Variants in ROBO2 observed in about 807,000 individuals in gnomAD.
ROBO2 encodes the protein roundabout guidance receptor 2, also known as roundabout homolog 2.
A neutral mutation model predicts 160.8 loss-of-function variants in ROBO2; 53 were observed. That is an observed-to-expected ratio of 0.33 (90% confidence interval 0.26 to 0.41). The LOEUF (loss-of-function observed/expected upper bound fraction) is 0.41, where lower values mean the gene tolerates loss of function less well. ROBO2 is among the 10% of genes least tolerant of loss of function. The pLI is 1.00. For synonymous variants in ROBO2, 664 were observed against 611.7 expected, an observed-to-expected ratio of 1.09 and a Z score of -1.26; for missense variants, 1,577 against 1,722.4, an observed-to-expected ratio of 0.92 and a Z score of 1.49.
chr3:77,170,016 G>C (rs1227156290), intron 2 of ROBO2, among the ~76,000 whole-genome samples: 1 of 152,108 alleles, frequency 6.6e-6, no homozygotes, highest in Non-Finnish European at 1.5e-5. Context: ...GACTGACACC[G>C]GGGAAGCTTC....
At chr3:76,322,164 GTATA>G (rs200388202) in intron 2 of ROBO2, among the ~76,000 whole-genome samples, 2,026 of 107,948 alleles carry the variant, frequency 0.019, 48 homozygotes, top group Admixed American at 0.047. Flanking sequence ...TACTTCTTCC[GTATA>G]TATATATATA....
At chr3:77,543,358 C>CAGGATGACA (rs1281063604) in intron 6 of ROBO2, among the ~76,000 whole-genome samples, 2 of 152,178 alleles carry the variant, frequency 1.3e-5, no homozygotes, top group Non-Finnish European at 2.9e-5. Flanking sequence ...CAGAATGTAT[C>CAGGATGACA]ATCATTTTTC....
intron 2 of ROBO2, among the ~76,000 whole-genome samples, chr3:75,985,493 A>G (rs1054884144): frequency 6.6e-6 from 1 of 151,588 alleles, no homozygotes. Context: ...GTACTATGAC[A>G]TGATAGCTTC....
At position 77,311,034 on chromosome 3, in the gene ROBO2, G is replaced by A. The variant is rs192724989; in HGVS notation, c.389-166380G>A. Among the ~76,000 whole-genome samples, 383 of 152,062 alleles carry A rather than the reference G, an allele frequency of 2.5e-3. 2 individuals are homozygous for A. The highest frequency in any genetic ancestry group is 8.8e-3 in the African/African-American group (365 of 41,500). On this transcript the variant is annotated intron_variant, in intron 2 of 25. Coordinates refer to ENST00000461745, the Ensembl canonical transcript of ROBO2. Reference sequence around the variant, plus strand: ...TATACATTTTATTATGAATTTTTGTGGGTAGGTTTAAATTTATTTTCTGGC... The same window carrying A: ...TATACATTTTATTATGAATTTTTGTAGGTAGGTTTAAATTTATTTTCTGGC...
intron 2 of ROBO2, among the ~76,000 whole-genome samples, chr3:77,460,241 T>C (rs1156946494): frequency 1.3e-5 from 2 of 151,894 alleles, no homozygotes; most frequent in East Asian, 3.9e-4. Context: ...AATGGAGGAG[T>C]AATAATAATT....
At chr3:77,150,149 A>G (rs1320241049) in intron 2 of ROBO2, among the ~76,000 whole-genome samples, 1 of 152,202 alleles carries the variant, frequency 6.6e-6, no homozygotes, top group African/African-American at 2.4e-5. Context: ...GAAGAATTTA[A>G]CGAAAACACT....
At position 76,674,920 on chromosome 3, in the gene ROBO2, C is replaced by CA. The variant is rs34240184; in HGVS notation, c.110-423085dup. The stretch of plus-strand genomic sequence containing the variant: ...GTATACAATGAGTAGGAAAAAGCAG[C>CA]AAAAAAAAACCCACACATGAAAAAA... On this transcript the variant is annotated intron_variant, in intron 2 of 26. Coordinates refer to the ROBO2 transcript ENST00000487694. 3.2e-3 allele frequency among the ~76,000 whole-genome samples: 479 copies of CA among 150,168 alleles called. 3 individuals are homozygous for CA. Among genetic ancestry groups the CA allele is most frequent in the African/African-American group, 0.011 (455 of 40,750 alleles).
chr3:77,140,158 T>G (rs2076591746), intron 2 of ROBO2, among the ~76,000 whole-genome samples: 1 of 152,250 alleles, frequency 6.6e-6, no homozygotes, highest in South Asian at 2.1e-4. Context: ...AATGCTTCTG[T>G]TAACAACATG....
chr3:76,360,199 C>G (rs897579221), intron 2 of ROBO2, among the ~76,000 whole-genome samples: 6 of 151,992 alleles, frequency 3.9e-5, no homozygotes, highest in Admixed American at 3.9e-4. Context: ...CTATCTAAAT[C>G]CATGTCACTA....
intron 2 of ROBO2, among the ~76,000 whole-genome samples, chr3:77,161,840 G>A (rs59607848): frequency 2.0e-5 from 3 of 151,282 alleles, no homozygotes; most frequent in Non-Finnish European, 4.4e-5. Context: ...TGTTGTCATG[G>A]TTTTTTACTA....
intron 6 of ROBO2, among the ~76,000 whole-genome samples, chr3:77,528,229 A>G (rs1044266235): frequency 6.6e-6 from 1 of 151,680 alleles, no homozygotes; most frequent in African/African-American, 2.4e-5. Context: ...AAATGAATAG[A>G]TGGATGCATA....
chr3:76,573,559 A>G lies in ROBO2; in HGVS notation c.110-524455A>G, dbSNP rs1343484199. Among the ~76,000 whole-genome samples, 5 of 151,566 alleles carry G rather than the reference A, an allele frequency of 3.3e-5. No homozygotes were observed. The East Asian group carries it at 7.7e-4, about 23-fold the overall frequency. ...TTTTTTGCTTATAGGATGTTAACCA[A>G]TCTTATATCTAATTTTGTAACATGA... On this transcript the variant is annotated intron_variant, in intron 2 of 26. Transcript: ENST00000487694.
rs775699448 is a variant in ROBO2, at chr3:76,304,714, C to CTCTT, written c.109+367130_109+367133dup. Among the ~76,000 whole-genome samples, 982 of 133,110 alleles carry CTCTT rather than the reference C, an allele frequency of 7.4e-3. 11 individuals are homozygous for CTCTT. The highest frequency in any genetic ancestry group is 0.03 in the Admixed American group (386 of 12,918). 87.3% of individuals were successfully genotyped at this position (133,110 alleles called of 152,430 possible). A position where few individuals can be genotyped will look rare whatever the true frequency, so the allele number is the denominator to read the frequency against. On this transcript the variant is annotated intron_variant, in intron 2 of 26. Coordinates refer to the ROBO2 transcript ENST00000487694. ...ATTTTGTTGTTGTTTTATTTTCTTT[C>CTCTT]TCTTTCTTTCTTTCTTTCTTTTCTT... is the stretch of plus-strand genomic sequence containing the variant.
intron 2 of ROBO2, among the ~76,000 whole-genome samples, chr3:77,142,392 G>A (rs569708722): frequency 9.9e-5 from 15 of 152,256 alleles, no homozygotes; most frequent in Non-Finnish European, 1.5e-4. Flanking sequence ...GTACACTGAC[G>A]TGCAAGCACA....
intron 5 of ROBO2, among the ~76,000 whole-genome samples, chr3:77,511,769 G>T (rs2089429482): frequency 6.6e-6 from 1 of 151,846 alleles, no homozygotes; most frequent in African/African-American, 2.4e-5. Flanking sequence ...GTTTCATTTT[G>T]GTTTTCTGTA....
chr3:76,863,143 A>G lies in ROBO2; in HGVS notation c.110-234871A>G, dbSNP rs201036469. Among the ~76,000 whole-genome samples the G allele has an allele frequency of 9.2e-5, 14 of 152,218 alleles. No homozygotes were observed. In the East Asian group the frequency reaches 2.7e-3, roughly 29 times the overall value. The stretch of plus-strand genomic sequence containing the variant: ...ACCTCATTACATAGCCTTACCTCCC[A>G]AGAGTCTGTGACTTGTCTTCTAGCC... On this transcript the variant is annotated intron_variant, in intron 2 of 26. Transcript: ENST00000487694.
intron 2 of ROBO2, among the ~76,000 whole-genome samples, chr3:76,890,055 C>A (rs1006419746): frequency 1.3e-5 from 2 of 151,964 alleles, no homozygotes; most frequent in African/African-American, 2.4e-5. Flanking sequence ...TTTCACTCTG[C>A]GTGTAATGAG....
intron 1 of ROBO2, among the ~76,000 whole-genome samples, chr3:77,073,400 G>T (rs898170439): frequency 6.6e-6 from 1 of 152,088 alleles, no homozygotes; most frequent in Non-Finnish European, 1.5e-5. Context: ...CGAGGAAATA[G>T]TCTCCATAAT....
intron 2 of ROBO2, among the ~76,000 whole-genome samples, chr3:76,790,376 G>A (rs1191861960): frequency 6.6e-6 from 1 of 151,686 alleles, no homozygotes; most frequent in Admixed American, 6.6e-5. Context: ...AGCCTTAATG[G>A]TGTGGAACAA....
Sources: gnomAD v4.1 joint callset for allele counts (sites outside exome capture counted in the v4.1 genomes callset) on GRCh38, gnomAD v4.1.1 for gene constraint, MANE v1.5 for transcripts, NCBI Gene and HGNC (gene_info 2026-07-23, HGNC 2026-07-21) for gene names.